Variants in MAF observed in about 807,000 individuals in gnomAD.
MAF encodes the protein MAF bZIP transcription factor, also known as transcription factor Maf.
MAF carries 10 observed loss-of-function variants against 22.0 expected under a neutral mutation model. The ratio of observed to expected loss-of-function variants is 0.45; its 90% confidence interval spans 0.28 to 0.77. The LOEUF is 0.77. Ranked by LOEUF, MAF falls within the 30% of genes least tolerant of loss-of-function variation. MAF has a pLI of 0.12. For missense variants in MAF, 544 were observed against 548.4 expected (o/e 0.99, Z 0.08); for synonymous variants, 337 against 255.8 (o/e 1.32, Z -3.03).
chr16:79,473,160 G>C, the MAF span, among the ~76,000 whole-genome samples: 2 of 152,134 alleles, frequency 1.3e-5, no homozygotes, highest in Admixed American at 6.5e-5. Context: ...CGTAGGGATA[G>C]TCCAGACACA....
chr16:79,509,592 G>A, the MAF span, among the ~76,000 whole-genome samples: 5 of 152,332 alleles, frequency 3.3e-5, no homozygotes, highest in Admixed American at 6.5e-5. Context: ...GGAGAGGGCC[G>A]GGTCTGGGCC....
At chr16:79,417,667 G>C in the MAF span, among the ~76,000 whole-genome samples, 1 of 152,176 alleles carries the variant, frequency 6.6e-6, no homozygotes, top group African/African-American at 2.4e-5. Flanking sequence ...TCTTGGAGCA[G>C]TACGGTCCTC....
chr16:79,374,856 G>T, the MAF span, among the ~76,000 whole-genome samples: 2 of 152,198 alleles, frequency 1.3e-5, no homozygotes, highest in Non-Finnish European at 2.9e-5. Context: ...AGACCAGATA[G>T]ACAAGATATG....
chr16:79,434,927 G>A, the MAF span, among the ~76,000 whole-genome samples: 30 of 152,258 alleles, frequency 2.0e-4, no homozygotes, highest in South Asian at 2.3e-3. Context: ...ATGGATTCCA[G>A]GGAGGCAACG....
the MAF span, among the ~76,000 whole-genome samples, chr16:79,219,345 C>G: frequency 1.3e-5 from 2 of 152,058 alleles, no homozygotes; most frequent in African/African-American, 2.4e-5. Context: ...CTTACCAAAA[C>G]GCCTATCTGA....
the MAF span, among the ~76,000 whole-genome samples, chr16:79,570,036 T>G: frequency 7.3e-5 from 11 of 150,894 alleles, no homozygotes; most frequent in Non-Finnish European, 1.6e-4. Flanking sequence ...TTTTTGGATC[T>G]TTCTTCCATT....
the MAF span, among the ~76,000 whole-genome samples, chr16:79,250,353 C>T: frequency 1.3e-5 from 2 of 152,228 alleles, no homozygotes; most frequent in Non-Finnish European, 2.9e-5. Context: ...CTGCAGAGAG[C>T]AAGAAGGTCA....
the MAF span, among the ~76,000 whole-genome samples, chr16:79,313,700 G>A: frequency 6.6e-6 from 1 of 152,158 alleles, no homozygotes; most frequent in African/African-American, 2.4e-5. Context: ...TTGCTTCTGT[G>A]GAACCCTAAG....
At chr16:79,533,585 A>G in the MAF span, among the ~76,000 whole-genome samples, 1 of 152,084 alleles carries the variant, frequency 6.6e-6, no homozygotes, top group Non-Finnish European at 1.5e-5. Context: ...ATCTGTTCAG[A>G]TCCCCTCATT....
At position 79,595,904 on chromosome 16, in the gene MAF, A is replaced by G. The variant is rs531059842; in HGVS notation, c.1119-1351T>C. On this transcript the variant is annotated intron_variant, in intron 1 of 1. Coordinates refer to ENST00000326043, the MANE Select transcript of MAF (RefSeq NM_005360.5). ...GGATTTTCTTTTTCCTATTTAAGAC[A>G]AATGATCTTCAGTGTTAAAGAGAAA... is the stretch of plus-strand genomic sequence containing the variant. The G allele has an allele frequency of 2.0e-5, 21 of 1,059,222 alleles. No individual in the cohort carries two copies. In the South Asian group the frequency reaches 9.1e-4, roughly 46 times the overall value. 65.6% of individuals were successfully genotyped at this position (1,059,222 alleles called of 1,614,324 possible).
chr16:79,242,313 C>T, the MAF span, among the ~76,000 whole-genome samples: 2 of 149,084 alleles, frequency 1.3e-5, no homozygotes. Context: ...TGCAAAGACA[C>T]ACATACGCTC....
At chr16:79,571,283 T>A in the MAF span, among the ~76,000 whole-genome samples, 4 of 152,200 alleles carry the variant, frequency 2.6e-5, no homozygotes, top group East Asian at 7.7e-4. Context: ...AGCTCCACCC[T>A]CAGTGGCTTC....
the MAF span, among the ~76,000 whole-genome samples, chr16:79,213,944 A>T: frequency 2.0e-5 from 3 of 151,946 alleles, no homozygotes; most frequent in Admixed American, 1.3e-4. Context: ...TCTAATCTCA[A>T]CTTCCAGCAC....
At chr16:79,546,171 G>C in the MAF span, among the ~76,000 whole-genome samples, 1 of 152,080 alleles carries the variant, frequency 6.6e-6, no homozygotes, top group Non-Finnish European at 1.5e-5. Context: ...GATTTTATTG[G>C]ATAAAGGACA....
chr16:79,304,790 C>T, the MAF span, among the ~76,000 whole-genome samples: 1 of 152,172 alleles, frequency 6.6e-6, no homozygotes, highest in Non-Finnish European at 1.5e-5. Flanking sequence ...GTGTCCATTA[C>T]ACTTTTGGTC....
the MAF span, among the ~76,000 whole-genome samples, chr16:79,503,577 T>C: frequency 6.6e-6 from 1 of 152,212 alleles, no homozygotes; most frequent in Non-Finnish European, 1.5e-5. Flanking sequence ...TCTTTGTGGA[T>C]TTCATTGTGG....
At chr16:79,222,081 G>C in the MAF span, among the ~76,000 whole-genome samples, 6 of 152,232 alleles carry the variant, frequency 3.9e-5, no homozygotes, top group East Asian at 5.8e-4. Flanking sequence ...CGTTGTGGGA[G>C]AAATTTAATA....
chr16:79,560,912 C>A, the MAF span, among the ~76,000 whole-genome samples: 4 of 152,214 alleles, frequency 2.6e-5, no homozygotes, highest in Non-Finnish European at 4.4e-5. Context: ...TGGAGAAATT[C>A]AACAGCCATG....
the MAF span, among the ~76,000 whole-genome samples, chr16:79,288,596 A>G: frequency 6.6e-6 from 1 of 152,172 alleles, no homozygotes; most frequent in African/African-American, 2.4e-5. Context: ...TTAAACCATT[A>G]AGTTTTGGGA....
Sources: allele counts gnomAD v4.1 joint callset (sites outside exome capture counted in the v4.1 genomes callset), GRCh38; gene constraint gnomAD v4.1.1; transcripts MANE v1.5; gene names NCBI Gene and HGNC (gene_info 2026-07-23, HGNC 2026-07-21).